The following CSMD3 variants were observed in gnomAD, a reference collection of about 807,000 sequenced individuals.
CSMD3 encodes the protein CUB and sushi domain-containing protein 3.
Under a neutral mutation model 435.2 loss-of-function variants are expected in CSMD3, and 177 were observed. The ratio of observed to expected loss-of-function variants is 0.41; its 90% CI spans 0.36 to 0.46. The LOEUF is 0.46. CSMD3 is among the 20% of genes least tolerant of loss of function. The pLI is 0.34. For missense variants in CSMD3, 4,265 were observed against 4,504.6 expected (o/e 0.95, Z 1.52); for synonymous variants, 1,656 against 1,520.5 (o/e 1.09, Z -2.07).
intron 3 of CSMD3, among the ~76,000 whole-genome samples, chr8:113,224,742 G>A (rs1027375243): frequency 2.0e-5 from 3 of 151,034 alleles, no homozygotes; most frequent in Admixed American, 6.6e-5. Flanking sequence ...CATTCACAGA[G>A]GAGAGGCAAT....
At chr8:113,415,122 G>A (rs1032639038) in intron 1 of CSMD3, among the ~76,000 whole-genome samples, 2 of 152,148 alleles carry the variant, frequency 1.3e-5, no homozygotes, top group African/African-American at 4.8e-5. Flanking sequence ...GAAGGCAATT[G>A]TAATTTGCTG....
chr8:112,273,765 T>A (rs1199867341), intron 59 of CSMD3, among the ~76,000 whole-genome samples: 1 of 150,276 alleles, frequency 6.7e-6, no homozygotes, highest in African/African-American at 2.5e-5. Flanking sequence ...TGGTAAATCA[T>A]GTATACTGAT....
intron 38 of CSMD3, among the ~76,000 whole-genome samples, chr8:112,363,651 T>C (rs1310953177): frequency 6.6e-6 from 1 of 151,914 alleles, no homozygotes; most frequent in Non-Finnish European, 1.5e-5. Flanking sequence ...TAGATTAGGC[T>C]AAAACTATCT....
chr8:113,430,030 A>G (rs2094661636), intron 1 of CSMD3, among the ~76,000 whole-genome samples: 1 of 152,048 alleles, frequency 6.6e-6, no homozygotes. Context: ...GAGAGGTAGC[A>G]TTTTTTTCTT....
At chr8:112,420,476 A>C (rs905476325) in intron 32 of CSMD3, among the ~76,000 whole-genome samples, 1 of 152,068 alleles carries the variant, frequency 6.6e-6, no homozygotes, top group African/African-American at 2.4e-5. Context: ...GATTTTACCC[A>C]AAAATAGTCT....
chr8:113,231,720 C>T (rs2093089569), intron 3 of CSMD3, among the ~76,000 whole-genome samples: 1 of 151,442 alleles, frequency 6.6e-6, no homozygotes, highest in African/African-American at 2.4e-5. Flanking sequence ...GATATTAACA[C>T]ATTTTATGGA....
At chr8:112,888,138 T>C (rs2125553) in intron 10 of CSMD3, among the ~76,000 whole-genome samples, 120,842 of 151,542 alleles carry the variant, frequency 0.8, 48,982 homozygotes, top group East Asian at 0.93. Flanking sequence ...ACAAACAATG[T>C]CCTTGAGGTT....
intron 22 of CSMD3, among the ~76,000 whole-genome samples, chr8:112,598,437 T>C (rs1382566208): frequency 8.1e-5 from 12 of 148,310 alleles, no homozygotes; most frequent in Admixed American, 2.7e-4. Flanking sequence ...AAAATGGCCA[T>C]ACTGCCCAAG....
chr8:113,014,497 C>T (rs187815555), intron 6 of CSMD3, among the ~76,000 whole-genome samples: 331 of 151,908 alleles, frequency 2.2e-3, no homozygotes, highest in African/African-American at 7.6e-3. Flanking sequence ...ATGAGATGCC[C>T]TTATCAAGAA....
intron 9 of CSMD3, among the ~76,000 whole-genome samples, chr8:112,923,121 C>A (rs1371352090): frequency 1.3e-5 from 2 of 152,096 alleles, no homozygotes; most frequent in Non-Finnish European, 1.5e-5. Context: ...TAATAGGAAT[C>A]TGAGCCACAA....
chr8:113,048,468 A>G (rs1281691150), intron 5 of CSMD3, among the ~76,000 whole-genome samples: 1 of 152,166 alleles, frequency 6.6e-6, no homozygotes, highest in African/African-American at 2.4e-5. Flanking sequence ...TACTTTTTTA[A>G]CAATCCACAG....
intron 32 of CSMD3, among the ~76,000 whole-genome samples, chr8:112,464,766 A>G (rs566343279): frequency 6.6e-6 from 1 of 152,220 alleles, no homozygotes; most frequent in African/African-American, 2.4e-5. Flanking sequence ...CACTTAGCAA[A>G]CCTTCATGGC....
intron 4 of CSMD3, among the ~76,000 whole-genome samples, chr8:113,115,983 T>C (rs1250172297): frequency 2.0e-5 from 3 of 152,152 alleles, no homozygotes; most frequent in Admixed American, 6.6e-5. Flanking sequence ...GCATCATCTA[T>C]GAATCTGAAA....
intron 3 of CSMD3, among the ~76,000 whole-genome samples, chr8:113,198,214 T>C (rs2092680376): frequency 6.6e-6 from 1 of 151,432 alleles, no homozygotes; most frequent in Admixed American, 6.6e-5. Flanking sequence ...TTCATGTTCA[T>C]CAGCTCCAAC....
chr8:113,012,493 G>A (rs1329930150), intron 6 of CSMD3, among the ~76,000 whole-genome samples: 1 of 151,942 alleles, frequency 6.6e-6, no homozygotes, highest in African/African-American at 2.4e-5. Context: ...TGTTAAGAGA[G>A]GGAAGTGATT....
At chr8:112,910,574 T>G (rs181096483) in intron 10 of CSMD3, among the ~76,000 whole-genome samples, 1 of 151,908 alleles carries the variant, frequency 6.6e-6, no homozygotes, top group African/African-American at 2.4e-5. Flanking sequence ...AATCTCAGAT[T>G]CTTAACCTCC....
chr8:113,404,178 T>C (rs1194345224), intron 1 of CSMD3, among the ~76,000 whole-genome samples: 1 of 151,468 alleles, frequency 6.6e-6, no homozygotes, highest in Non-Finnish European at 1.5e-5. Flanking sequence ...TTGTATGTAC[T>C]ATATGAATAA....
Position 112,511,164 on chromosome 8 carries a change from A to C in CSMD3, c.4757-4335T>G, listed in dbSNP as rs80302596. On this transcript the variant is annotated intron_variant, in intron 28 of 70. Coordinates refer to ENST00000297405, the MANE Select transcript of CSMD3 (RefSeq NM_198123.2). ...TCCATATAAAAGTTATGTTTACACT[A>C]TCTTGTAGTCTATTAAGTGCATAAC... is the stretch of plus-strand genomic sequence containing the variant. Among the ~76,000 whole-genome samples the C allele has an allele frequency of 8.2e-3, 1,256 of 152,282 alleles. 11 individuals are homozygous for C. The highest frequency in any genetic ancestry group is 0.018 in the South Asian group (88 of 4,834).
At chr8:112,504,921 C>T (rs1394816183) in intron 29 of CSMD3, among the ~76,000 whole-genome samples, 1 of 152,108 alleles carries the variant, frequency 6.6e-6, no homozygotes, top group African/African-American at 2.4e-5. Flanking sequence ...GTAAAACTTG[C>T]CATTGTTAAA....
Sources: allele counts gnomAD v4.1 joint callset (sites outside exome capture counted in the v4.1 genomes callset), GRCh38; gene constraint gnomAD v4.1.1; transcripts MANE v1.5; gene names NCBI Gene and HGNC (gene_info 2026-07-23, HGNC 2026-07-21).